Variants in PTPN14 observed in about 807,000 individuals in gnomAD.
The protein encoded by PTPN14 is protein tyrosine phosphatase non-receptor type 14.
PTPN14 carries 53 observed loss-of-function variants against 126.8 expected under a neutral mutation model. The observed-to-expected ratio is 0.42, with a 90% confidence interval of 0.34 to 0.53. The LOEUF (loss-of-function observed/expected upper bound fraction) is 0.53. PTPN14 is among the 20% of genes least tolerant of loss of function. The pLI is 0.08. For missense variants in PTPN14, 1,257 were observed against 1,552.9 expected (o/e 0.81, Z 3.20); for synonymous variants, 630 against 599.3 (o/e 1.05, Z -0.75).
At chr1:214,444,113 C>T (rs1372816083) in intron 3 of PTPN14, among the ~76,000 whole-genome samples, 1 of 152,180 alleles carries the variant, frequency 6.6e-6, no homozygotes, top group Non-Finnish European at 1.5e-5. Context: ...TGACAATCAA[C>T]TTATCTCATT....
intron 1 of PTPN14, among the ~76,000 whole-genome samples, chr1:214,496,071 C>A (rs1654489215): frequency 6.6e-6 from 1 of 152,138 alleles, no homozygotes; most frequent in African/African-American, 2.4e-5. Context: ...CAAAAAAAAA[C>A]TCTCCTGGCA....
chr1:214,440,291 C>CT (rs1162095281), intron 3 of PTPN14, among the ~76,000 whole-genome samples: 1 of 151,544 alleles, frequency 6.6e-6, no homozygotes, highest in South Asian at 2.1e-4. Context: ...ATATAAAACT[C>CT]TATCATTCTG....
chr1:214,401,646 C>T, intron 7 of PTPN14, 39 bp downstream of exon 7: 2 of 1,471,222 alleles, frequency 1.4e-6, no homozygotes, highest in Non-Finnish European at 1.9e-6. Context: ...CAGTACCGGT[C>T]TGAGAAGGTT....
intron 1 of PTPN14, chr1:214,533,357 C>G: frequency 2.1e-6 from 1 of 482,200 alleles, no homozygotes; most frequent in Non-Finnish European, 3.9e-6. Flanking sequence ...AATCTTCAAT[C>G]TTGGTGATGG....
At chr1:214,486,799 G>A (rs1435218160) in intron 1 of PTPN14, among the ~76,000 whole-genome samples, 1 of 152,100 alleles carries the variant, frequency 6.6e-6, no homozygotes, top group Non-Finnish European at 1.5e-5. Flanking sequence ...AGTGAACATA[G>A]GCCAAACTCA....
At chr1:214,405,391 C>T (rs1249816352) in intron 5 of PTPN14, among the ~76,000 whole-genome samples, 1 of 152,100 alleles carries the variant, frequency 6.6e-6, no homozygotes, top group Non-Finnish European at 1.5e-5. Flanking sequence ...GGCAGCAATT[C>T]TTCTTCATAT....
chr1:214,414,551 T>C lies in PTPN14; in HGVS notation c.442+78A>G, dbSNP rs1042387334. On this transcript the variant is annotated intron_variant, in intron 4 of 18. Coordinates refer to ENST00000366956, the MANE Select transcript of PTPN14 (RefSeq NM_005401.5). ...AAGGGATCATTTAAGTAAATCTAAC[T>C]TCTCACTCTGAGAGGCCAGCAACAC... 20 of 1,290,472 alleles carry C rather than the reference T, an allele frequency of 1.5e-5. 1 individual carries two copies. Among genetic ancestry groups the C allele is most frequent in the East Asian group, 1.2e-4 (5 of 42,850 alleles). The allele number at this position is 1,290,472 out of a possible 1,614,324, so 79.9% of individuals were successfully genotyped here. A position where few individuals can be genotyped will look rare whatever the true frequency, so the allele number is the denominator to read the frequency against.
chr1:214,372,787 G>C lies in PTPN14; in HGVS notation c.2960C>G (p.Pro987Arg), dbSNP rs1658249806. The C allele has an allele frequency of 1.9e-6, 3 of 1,614,048 alleles. No homozygotes were observed. Among genetic ancestry groups the C allele is most frequent in the Non-Finnish European group, 2.5e-6 (3 of 1,180,044 alleles). ...WHYIATQGPL[P>R]HTCHDFWQMV... ...CTGCCAGAAGTCGTGGCACGTGTGT[G>C]GCAGGGGCCCCTGGGTGGCTATGTA... Residue 987 changes from proline (P) to arginine (R), a missense_variant, in exon 16 of 19, where the codon CCA becomes CGA. Pro to Arg is a moderately radical substitution (Grantham distance 103). Around this residue, in one of 3 missense-constraint regions of PTPN14, gnomAD observed 65 missense variants for 139.7 expected, o/e 0.47. Coordinates refer to ENST00000366956, the MANE Select transcript of PTPN14 (RefSeq NM_005401.5).
chr1:214,462,742 A>G (rs1232867543), intron 2 of PTPN14, among the ~76,000 whole-genome samples: 1 of 152,082 alleles, frequency 6.6e-6, no homozygotes, highest in Non-Finnish European at 1.5e-5. Context: ...GGACTCCCCT[A>G]TTGTTCTGTG....
In PTPN14 at chr1:214,421,320, CA is replaced by C. The variant is rs550889438; in HGVS notation, c.345-6595del. On this transcript the variant is annotated intron_variant, in intron 3 of 18. Coordinates refer to ENST00000366956, the MANE Select transcript of PTPN14 (RefSeq NM_005401.5). ...ACAAAGAGTCACATCTGTGTGATTC[CA>C]TTCATAAGAAATGTCCAGAATAGGC... Among the ~76,000 whole-genome samples, 17 of 152,290 alleles carry C rather than the reference CA, an allele frequency of 1.1e-4. No individual in the cohort carries two copies. In the South Asian group the frequency reaches 3.1e-3, roughly 28 times the overall value.
At chr1:214,434,596 G>A (rs1035348406) in intron 3 of PTPN14, among the ~76,000 whole-genome samples, 1 of 152,084 alleles carries the variant, frequency 6.6e-6, no homozygotes, top group Non-Finnish European at 1.5e-5. Flanking sequence ...AATATTTTGT[G>A]GTTAATTTTT....
intron 17 of PTPN14, among the ~76,000 whole-genome samples, chr1:214,366,781 CG>C (rs1165566341): frequency 6.6e-6 from 1 of 151,954 alleles, no homozygotes; most frequent in Non-Finnish European, 1.5e-5. Flanking sequence ...CCGAGGCAGG[CG>C]GATCACGAGG....
At chr1:214,463,573 G>A (rs1254868219) in intron 2 of PTPN14, among the ~76,000 whole-genome samples, 2 of 152,176 alleles carry the variant, frequency 1.3e-5, no homozygotes, top group East Asian at 3.8e-4. Context: ...GTCTTTAGAA[G>A]GGACTTTCAG....
intron 3 of PTPN14, among the ~76,000 whole-genome samples, chr1:214,441,695 A>G (rs767926637): frequency 3.3e-5 from 5 of 152,236 alleles, no homozygotes; most frequent in Admixed American, 6.5e-5. Flanking sequence ...TTAAAAATTC[A>G]TAAGGCACAG....
At chr1:214,460,383 G>A (rs2102646331) in intron 2 of PTPN14, among the ~76,000 whole-genome samples, 1 of 151,162 alleles carries the variant, frequency 6.6e-6, no homozygotes, top group Non-Finnish European at 1.5e-5. Flanking sequence ...TCCCTTCCAT[G>A]ACCCTTTCAT....
At chr1:214,505,109 C>A (rs762895246) in intron 1 of PTPN14, among the ~76,000 whole-genome samples, 1 of 151,396 alleles carries the variant, frequency 6.6e-6, no homozygotes, top group Non-Finnish European at 1.5e-5. Flanking sequence ...GGGCCCCCAA[C>A]GAGAGGTCTG....
chr1:214,462,563 C>T (rs2102649329), intron 2 of PTPN14, among the ~76,000 whole-genome samples: 1 of 152,286 alleles, frequency 6.6e-6, no homozygotes, highest in Non-Finnish European at 1.5e-5. Context: ...AGAGTGAAGG[C>T]TATGTTCATC....
At chr1:214,550,111 T>G (rs935029530) in intron 1 of PTPN14, among the ~76,000 whole-genome samples, 1 of 152,200 alleles carries the variant, frequency 6.6e-6, no homozygotes, top group African/African-American at 2.4e-5. Context: ...AGAACCCCTC[T>G]TCCATGTATT....
At chr1:214,523,789 C>T (rs1207599771) in intron 1 of PTPN14, among the ~76,000 whole-genome samples, 1 of 151,708 alleles carries the variant, frequency 6.6e-6, no homozygotes, top group Non-Finnish European at 1.5e-5. Context: ...GTTCCTGTCA[C>T]TGAACACTGG....
Sources: gnomAD v4.1 joint callset for allele counts (sites outside exome capture counted in the v4.1 genomes callset) on GRCh38, gnomAD v4.1.1 for gene constraint, gnomAD v4.1.1 regional missense constraint, MANE v1.5 for transcripts, NCBI Gene and HGNC (gene_info 2026-07-23, HGNC 2026-07-21) for gene names.